LAMC3: variants seen among roughly 807,000 people sequenced by gnomAD.
LAMC3 encodes the protein laminin subunit gamma 3, also known as laminin subunit gamma-3.
LAMC3 carries 128 observed loss-of-function variants against 173.8 expected under a neutral mutation model. The ratio of observed to expected loss-of-function variants is 0.74; its 90% CI spans 0.64 to 0.85. The LOEUF is 0.85. Among genes scored for constraint, LAMC3 ranks in the 40% least tolerant of loss-of-function variants. The pLI is 0.00. For missense variants in LAMC3, 2,022 were observed against 2,156.0 expected (o/e 0.94, Z 1.23); for synonymous variants, 897 against 909.1 (o/e 0.99, Z 0.24).
intron 1 of LAMC3, among the ~76,000 whole-genome samples, chr9:131,022,488 C>A (rs1833644781): frequency 6.6e-6 from 1 of 152,188 alleles, no homozygotes; most frequent in Non-Finnish European, 1.5e-5. Context: ...TTAAACTATA[C>A]AATCCAGTGG....
At chr9:131,031,289 G>T (rs547833499) in intron 2 of LAMC3, among the ~76,000 whole-genome samples, 7 of 152,250 alleles carry the variant, frequency 4.6e-5, no homozygotes, top group Admixed American at 2.0e-4. Flanking sequence ...GAAAATGTCA[G>T]TCTTCACGTG....
At position 131,077,166 on chromosome 9, in the gene LAMC3, G is replaced by A. The variant is rs773141496; in HGVS notation, c.3630-21G>A. On this transcript the variant is annotated intron_variant, in intron 21 of 27. Coordinates refer to ENST00000361069, the MANE Select transcript of LAMC3 (RefSeq NM_006059.4). ...GAGGGCTAGTTCTGCACCCAGCTCC[G>A]TGGCCTCTGCTTCCTCCCAGGTACC... 37 of 1,612,614 alleles carry A rather than the reference G, an allele frequency of 2.3e-5. 1 individual carries two copies. The highest frequency in any genetic ancestry group is 8.8e-5 in the South Asian group (8 of 91,082).
At chr9:131,039,824 G>A (rs980164474) in intron 6 of LAMC3, among the ~76,000 whole-genome samples, 1 of 152,004 alleles carries the variant, frequency 6.6e-6, no homozygotes, top group Admixed American at 6.6e-5. Flanking sequence ...GGGGAGCGGG[G>A]TGGGAGAGGC....
At chr9:131,050,778 A>G (rs12554680) in intron 9 of LAMC3, among the ~76,000 whole-genome samples, 1 of 7,536 alleles carries the variant, frequency 1.3e-4, no homozygotes, top group Admixed American at 7.5e-4. Flanking sequence ...CAAAAAAAGG[A>G]AAAAAAAAAA....
intron 3 of LAMC3, among the ~76,000 whole-genome samples, chr9:131,032,611 TCTCTCTCTCTCTCA>T (rs1299242227): frequency 1.3e-5 from 2 of 150,708 alleles, no homozygotes; most frequent in Admixed American, 6.6e-5. Context: ...TTTCTCTCTC[TCTCTCTCTCTCTCA>T]CTCTCTCTTG....
intron 27 of LAMC3, among the ~76,000 whole-genome samples, chr9:131,089,544 ATTTTT>A (rs59946569): frequency 0.044 from 6,176 of 139,140 alleles, 243 homozygotes; most frequent in African/African-American, 0.11. Context: ...CACCCAGCTA[ATTTTT>A]TTTTTTTTTT....
chr9:131,042,114 C>G (rs1277600633), intron 7 of LAMC3, among the ~76,000 whole-genome samples: 2 of 151,998 alleles, frequency 1.3e-5, no homozygotes, highest in Non-Finnish European at 2.9e-5. Context: ...CTATCACAGG[C>G]CTCCCGTTTC....
At position 131,067,061 on chromosome 9, in the gene LAMC3, GA is replaced by G; in HGVS notation, c.2450del (p.Asp817AlafsTer67). On this transcript the variant is annotated frameshift_variant, in exon 14 of 28. Transcript: ENST00000361069. LOFTEE classifies it high-confidence loss of function. ...CHQCQCSGNV[D>X]PNAVGNCDPL... Reference sequence around the variant, plus strand: ...CCAGTGCCAGTGTAGCGGGAACGTGGACCCCAATGCCGTGGGCAACTGTGAC... The same window carrying G: ...CCAGTGCCAGTGTAGCGGGAACGTGGCCCCAATGCCGTGGGCAACTGTGAC... 1 of 1,614,150 alleles carries G rather than the reference GA, an allele frequency of 6.2e-7. No homozygotes were observed. The highest frequency in any genetic ancestry group is 1.1e-5 in the South Asian group (1 of 91,082).
chr9:131,082,067 G>A lies in LAMC3; in HGVS notation c.3936G>A (p.Gln1312=), dbSNP rs1168922540. 1 of 1,613,664 alleles carries A rather than the reference G, an allele frequency of 6.2e-7. No homozygotes were observed. Among genetic ancestry groups the A allele is most frequent in the South Asian group, 1.1e-5 (1 of 91,034 alleles). ...TCCTCATCTCTCTCCAGCTGCACCA[G>A]GAGGCCAGAGCCGCCCTGACCCAGG... is the stretch of plus-strand genomic sequence containing the variant. ...RQTEPLTKLH[Q]EARAALTQAS... Residue 1312 remains glutamine, a synonymous_variant, in exon 24 of 28, where the codon CAG becomes CAA. Coordinates refer to ENST00000361069, the MANE Select transcript of LAMC3 (RefSeq NM_006059.4).
chr9:131,056,349 G>A (rs911853394), intron 11 of LAMC3, among the ~76,000 whole-genome samples: 12 of 152,202 alleles, frequency 7.9e-5, no homozygotes, highest in African/African-American at 2.9e-4. Flanking sequence ...TTACCAGTCT[G>A]AGAGATGTGA....
In LAMC3 at chr9:131,091,642, AACTC is replaced by A; in HGVS notation, c.4585_4588del (p.Leu1529ValfsTer63). 6.2e-7 allele frequency: 1 copy of A among 1,604,082 alleles called. No individual in the cohort carries two copies. The highest frequency in any genetic ancestry group is 8.5e-7 in the Non-Finnish European group (1 of 1,175,712). On this transcript the variant is annotated frameshift_variant, in exon 28 of 28. Coordinates refer to ENST00000361069, the MANE Select transcript of LAMC3 (RefSeq NM_006059.4). LOFTEE classifies it high-confidence loss of function. Reference sequence around the variant, plus strand: ...GGCTCCCCGGGGTCCTTGCAGAGGAAACTCAGTCTGCTGGAGCAGGAATCCCAGC... The same window carrying A: ...GGCTCCCCGGGGTCCTTGCAGAGGAAAGTCTGCTGGAGCAGGAATCCCAGC...
chr9:131,034,490 G>A (rs1833905143), intron 3 of LAMC3, among the ~76,000 whole-genome samples: 1 of 152,280 alleles, frequency 6.6e-6, no homozygotes, highest in East Asian at 1.9e-4. Flanking sequence ...GGCAGAGCGT[G>A]GAACGTGGCT....
At chr9:131,081,771 G>A (rs1273789510) in intron 23 of LAMC3, among the ~76,000 whole-genome samples, 1 of 152,170 alleles carries the variant, frequency 6.6e-6, no homozygotes, top group Admixed American at 6.5e-5. Flanking sequence ...CTCTGTGCCT[G>A]GCCAATAGAA....
intron 7 of LAMC3, among the ~76,000 whole-genome samples, chr9:131,043,747 A>C (rs1834097812): frequency 6.6e-6 from 1 of 152,238 alleles, no homozygotes; most frequent in African/African-American, 2.4e-5. Context: ...CAGACCTCAC[A>C]GTGGTAATTG....
chr9:131,026,340 G>A lies in LAMC3; in HGVS notation c.429G>A (p.Glu143=), dbSNP rs184685154. ...TGAAGTTCCACACCAGTCGCCCTGA[G>A]AGCTTTGCCATCTACAAGCGCAGCC... is the stretch of plus-strand genomic sequence containing the variant. ...VRLKFHTSRP[E]SFAIYKRSRA... is the part of the protein sequence containing the mutation. The change falls in exon 2 of 28, where the codon GAG becomes GAA. Residue 143 remains glutamate, a synonymous_variant. Coordinates refer to ENST00000361069, the MANE Select transcript of LAMC3 (RefSeq NM_006059.4). This position sits in a 1 kb window ranked among gnomAD's most constrained non-coding sequence, Gnocchi z 4.8. 10 of 1,614,058 alleles carry A rather than the reference G, an allele frequency of 6.2e-6. No homozygotes were observed. In the East Asian group the frequency reaches 2.2e-4, roughly 36 times the overall value.
intron 18 of LAMC3, among the ~76,000 whole-genome samples, chr9:131,071,902 T>C (rs1409260963): frequency 6.6e-6 from 1 of 152,222 alleles, no homozygotes; most frequent in African/African-American, 2.4e-5. Context: ...GAGGCTGGAC[T>C]GGGAGGGTCT....
chr9:131,069,096 G>A (rs775894859), intron 16 of LAMC3, 46 bp downstream of exon 16: 32 of 1,605,738 alleles, frequency 2.0e-5, no homozygotes, highest in South Asian at 1.5e-4. Context: ...GGTGGGGCCC[G>A]AGGGTCTCTG....
intron 2 of LAMC3, among the ~76,000 whole-genome samples, chr9:131,028,768 G>A (rs1230211837): frequency 6.6e-6 from 1 of 152,324 alleles, no homozygotes; most frequent in East Asian, 1.9e-4. Flanking sequence ...TATTTCCCCA[G>A]AGCCACATGT....
At chr9:131,078,907 G>A (rs974188348) in intron 22 of LAMC3, among the ~76,000 whole-genome samples, 6 of 152,342 alleles carry the variant, frequency 3.9e-5, no homozygotes, top group African/African-American at 1.2e-4. Context: ...GGCTCCTCTC[G>A]CCCTGGGCCC....
Sources: allele counts gnomAD v4.1 joint callset (sites outside exome capture counted in the v4.1 genomes callset), GRCh38; gene constraint gnomAD v4.1.1; non-coding constraint Gnocchi (gnomAD v3.1); transcripts MANE v1.5; gene names NCBI Gene and HGNC (gene_info 2026-07-23, HGNC 2026-07-21).